The following RCOR2 variants were observed in gnomAD, a reference collection of about 807,000 sequenced individuals.
RCOR2 encodes the protein REST corepressor 2.
A neutral mutation model predicts 58.9 loss-of-function variants in RCOR2; 19 were observed. That is an observed-to-expected ratio of 0.32 (90% CI 0.23 to 0.47). The LOEUF (loss-of-function observed/expected upper bound fraction) is 0.47, where lower values mean the gene tolerates loss of function less well. Ranked by LOEUF, RCOR2 falls within the 20% of genes least tolerant of loss-of-function variation. The pLI is 1.00. For synonymous variants in RCOR2, 286 were observed against 278.7 expected, an observed-to-expected ratio of 1.03 and a Z score of -0.26; for missense variants, 590 against 707.9, an observed-to-expected ratio of 0.83 and a Z score of 1.89.
chr11:63,925,655 CA>C, the RCOR2 span, among the ~76,000 whole-genome samples: 191 of 135,862 alleles, frequency 1.4e-3, no homozygotes, highest in Middle Eastern at 3.8e-3. Context: ...CCTGCCTCTA[CA>C]AAAAAAAAAA....
Position 63,912,037 on chromosome 11 carries a change from G to A in RCOR2, c.1400C>T (p.Pro467Leu). 6.8e-7 allele frequency: 1 copy of A among 1,478,418 alleles called. No homozygotes were observed. The allele number at this position is 1,478,418 out of a possible 1,614,324, so 91.6% of individuals were successfully genotyped here. Reference sequence around the variant, plus strand: ...GAAGCGGCCCTGCTGCAGTGGGGGTGGCTGTCGGAGCAGAGTGGGAGCCGT... The same window carrying A: ...GAAGCGGCCCTGCTGCAGTGGGGGTAGCTGTCGGAGCAGAGTGGGAGCCGT... ...LPTAPTLLRQ[P>L]PPLQQGRFLQ... The change falls in exon 12 of 12, where the codon CCA becomes CTA. Residue 467 changes from proline (P) to leucine (L), a missense_variant. By Grantham distance (98) the Pro-to-Leu change is moderately conservative (BLOSUM62 -3). This residue lies in a region of RCOR2 where 196 missense variants were observed against 210.7 expected (regional missense o/e 0.93). Coordinates refer to ENST00000301459, the MANE Select transcript of RCOR2 (RefSeq NM_173587.4).
the RCOR2 span, among the ~76,000 whole-genome samples, chr11:63,926,489 C>CTTTTTTT: frequency 1.9e-3 from 266 of 137,592 alleles, 1 homozygote; most frequent in African/African-American, 5.8e-3. Context: ...CTCTCTCTCT[C>CTTTTTTT]TTTTTTTTTT....
the RCOR2 span, among the ~76,000 whole-genome samples, chr11:63,926,157 C>T: frequency 1.3e-5 from 2 of 152,014 alleles, no homozygotes; most frequent in African/African-American, 4.8e-5. Context: ...GTGATCTGCC[C>T]TCCTCAGCCT....
upstream of RCOR2, among the ~76,000 whole-genome samples, chr11:63,918,363 G>A (rs1052426978): frequency 6.6e-6 from 1 of 152,162 alleles, no homozygotes; most frequent in Admixed American, 6.5e-5. Flanking sequence ...GGCTGGGGCC[G>A]CTTGTTCCCG....
Position 63,912,731 on chromosome 11 carries a change from G to A in RCOR2, c.972C>T (p.Ala324=). The change falls in exon 10 of 12, where the codon GCC becomes GCT. Residue 324 remains alanine (A), a splice_region_variant and synonymous_variant. Coordinates refer to ENST00000301459, the MANE Select transcript of RCOR2 (RefSeq NM_173587.4). ...GGIDPLRPPE[A]NTKFNSRWTT... Reference sequence around the variant, plus strand: ...TCCAGCGGGAGTTGAACTTGGTGTTGGCCTGGAAAGCAAGGAACAACATAT... The same window carrying A: ...TCCAGCGGGAGTTGAACTTGGTGTTAGCCTGGAAAGCAAGGAACAACATAT... 6.2e-7 allele frequency: 1 copy of A among 1,613,986 alleles called. No homozygotes were observed. The highest frequency in any genetic ancestry group is 8.5e-7 in the Non-Finnish European group (1 of 1,179,966).
chr11:63,916,492 T>C lies in RCOR2; in HGVS notation c.-36A>G. On this transcript the variant is annotated 5_prime_UTR_variant, in exon 1 of 12. Transcript: ENST00000301459. ...AGCTGCCCCGGGGGGCGCAGGAGCC[T>C]TCGGAGAGCGACAGTGGTTGCCGCA... The C allele has an allele frequency of 1.9e-6, 3 of 1,588,730 alleles. No individual in the cohort carries two copies. Among genetic ancestry groups the C allele is most frequent in the South Asian group, 2.3e-5 (2 of 88,546 alleles).
rs946033018 is a variant in RCOR2, at chr11:63,911,944, C to T, written c.1493G>A (p.Arg498His). The change falls in exon 12 of 12, where the codon CGC (arginine) becomes CAC (histidine). Residue 498 changes from arginine to histidine, a missense_variant. Physicochemically the swap from Arg to His is conservative, Grantham distance 29. Coordinates refer to ENST00000301459, the MANE Select transcript of RCOR2 (RefSeq NM_173587.4). The stretch of plus-strand genomic sequence containing the variant: ...CTGAGGGCCAGGGCGGGCGCTGTGG[C>T]GGGGGGCAGCCAGAGCGGGGCGGAT... ...PLIRPALAAP[R>H]HSARPGPQPP... The T allele has an allele frequency of 2.7e-5, 18 of 663,016 alleles. No homozygotes were observed. Among genetic ancestry groups the T allele is most frequent in the South Asian group, 4.6e-5 (2 of 43,068 alleles). 41.1% of individuals were successfully genotyped at this position (663,016 alleles called of 1,614,324 possible).
Position 63,914,270 on chromosome 11 carries a change from G to C in RCOR2, c.666C>G (p.Pro222=), listed in dbSNP as rs1317944607. ...GGCTCTGGGAGCTCACCTCTCTCTTGGGATCTGCAGGATCGGGCTCTCCCT... is the reference window on the plus strand; with the variant it reads ...GGCTCTGGGAGCTCACCTCTCTCTTCGGATCTGCAGGATCGGGCTCTCCCT... ...VSEGEPDPAD[P]KREPLPSRPL... is the part of the protein sequence containing the mutation. The change falls in exon 7 of 12, where the codon CCC becomes CCG. Residue 222 remains proline (P), a synonymous_variant. Coordinates refer to ENST00000301459, the MANE Select transcript of RCOR2 (RefSeq NM_173587.4). 6.2e-7 allele frequency: 1 copy of C among 1,613,472 alleles called. No individual in the cohort carries two copies. Among genetic ancestry groups the C allele is most frequent in the Non-Finnish European group, 8.5e-7 (1 of 1,179,968 alleles).
chr11:63,924,747 C>G, the RCOR2 span, among the ~76,000 whole-genome samples: 2 of 151,912 alleles, frequency 1.3e-5, no homozygotes, highest in East Asian at 3.9e-4. Flanking sequence ...TACAGTCTCC[C>G]TATAAGGCCC....
chr11:63,915,341 G>A (rs985106687), intron 2 of RCOR2, 83 bp from the exon 3 acceptor site: 1 of 1,314,452 alleles, frequency 7.6e-7, no homozygotes, highest in East Asian at 2.5e-5. Context: ...GGGCAGCAGA[G>A]GAGTGGAGCC....
chr11:63,924,748 T>C, the RCOR2 span, among the ~76,000 whole-genome samples: 1 of 152,034 alleles, frequency 6.6e-6, no homozygotes, highest in Non-Finnish European at 1.5e-5. Flanking sequence ...ACAGTCTCCC[T>C]ATAAGGCCCA....
At chr11:63,926,566 AACCTCC>A in the RCOR2 span, among the ~76,000 whole-genome samples, 1 of 148,666 alleles carries the variant, frequency 6.7e-6, no homozygotes, top group Non-Finnish European at 1.5e-5. Context: ...GGCTCACCAC[AACCTCC>A]ACCTCCCAGG....
At chr11:63,924,629 T>G in the RCOR2 span, among the ~76,000 whole-genome samples, 3 of 152,176 alleles carry the variant, frequency 2.0e-5, no homozygotes, top group African/African-American at 7.2e-5. Flanking sequence ...GCCTTCATCC[T>G]ATTCCTGAAA....
rs1241528418 is a variant in RCOR2 at position 63,916,339 on chromosome 11, G to A, written c.118C>T (p.His40Tyr). 1.9e-6 allele frequency: 3 copies of A among 1,605,192 alleles called. No individual in the cohort carries two copies. The highest frequency in any genetic ancestry group is 3.4e-5 in the Admixed American group (2 of 59,406). Residue 40 changes from histidine to tyrosine, a missense_variant, in exon 1 of 12, where the codon CAC (histidine) becomes TAC (tyrosine). His to Tyr is a moderately conservative substitution (Grantham distance 83, BLOSUM62 2). This residue lies in a region of RCOR2 where 390 missense variants were observed against 478.7 expected (regional missense o/e 0.81). Coordinates refer to ENST00000301459, the MANE Select transcript of RCOR2 (RefSeq NM_173587.4). ...AGGCCACCGGGCTCACCGTGCGAGT[G>A]CTCCTCCTCGCTGCTGTCATCCTCC... ...HSEDDSSEEE[H>Y]SHDSMIRVGT...
In RCOR2 at chr11:63,914,742, G is replaced by C; in HGVS notation, c.393C>G (p.Phe131Leu). 6.2e-7 allele frequency: 1 copy of C among 1,613,516 alleles called. No homozygotes were observed. The highest frequency in any genetic ancestry group is 8.5e-7 in the Non-Finnish European group (1 of 1,179,732). The change falls in exon 5 of 12, where the codon TTC becomes TTG. Residue 131 changes from phenylalanine (F) to leucine (L), a missense_variant. Phe to Leu is a conservative substitution (Grantham distance 22, BLOSUM62 0). Around this residue, in one of 3 missense-constraint regions of RCOR2, gnomAD observed 390 missense variants for 478.7 expected, o/e 0.81. Transcript: ENST00000301459. ...TGTCCTCTACTGTCCACTCGTCAGGGAATGGGGTGAAGTTGGCCAGGTCGG... is the reference window on the plus strand; with the variant it reads ...TGTCCTCTACTGTCCACTCGTCAGGCAATGGGGTGAAGTTGGCCAGGTCGG... ...SLADLANFTPFPDEWTVEDKV... is the reference protein window; with the variant it reads ...SLADLANFTPLPDEWTVEDKV...
chr11:63,915,154 C>T, intron 3 of RCOR2, 24 bp downstream of exon 3: 2 of 1,547,638 alleles, frequency 1.3e-6, no homozygotes, highest in Non-Finnish European at 1.7e-6. Context: ...AAGCCCCCAC[C>T]TCCCAGGGCT....
chr11:63,912,752 C>A lies in RCOR2; in HGVS notation c.970-19G>T, dbSNP rs535006180. 6.2e-7 allele frequency: 1 copy of A among 1,613,794 alleles called. No homozygotes were observed. The highest frequency in any genetic ancestry group is 1.3e-5 in the African/African-American group (1 of 75,010). ...TGTTGGCCTGGAAAGCAAGGAACAA[C>A]ATATCCTTTAGACTCAAAACCATGC... On this transcript the variant is annotated intron_variant, in intron 9 of 11. Coordinates refer to ENST00000301459, the MANE Select transcript of RCOR2 (RefSeq NM_173587.4).
chr11:63,922,389 G>A, the RCOR2 span, among the ~76,000 whole-genome samples: 1 of 152,144 alleles, frequency 6.6e-6, no homozygotes, highest in African/African-American at 2.4e-5. Context: ...CTCTTGCTCT[G>A]TTGCCCAGGC....
chr11:63,927,329 G>A, the RCOR2 span, among the ~76,000 whole-genome samples: 37 of 152,172 alleles, frequency 2.4e-4, no homozygotes, highest in African/African-American at 8.7e-4. Context: ...GGAGTGCAGT[G>A]GCAAGATCAC....
Sources: allele counts gnomAD v4.1 joint callset (sites outside exome capture counted in the v4.1 genomes callset), GRCh38; gene constraint gnomAD v4.1.1; regional missense constraint gnomAD v4.1.1; transcripts MANE v1.5; gene names NCBI Gene and HGNC (gene_info 2026-07-23, HGNC 2026-07-21).